Variants in WWC1 observed in about 807,000 individuals in gnomAD.
The protein encoded by WWC1 is protein KIBRA.
In WWC1, 55 loss-of-function variants were observed where a neutral mutation model predicts 138.4. The ratio of observed to expected loss-of-function variants is 0.40; its 90% confidence interval spans 0.32 to 0.50. The LOEUF is 0.50. WWC1 is among the 20% of genes least tolerant of loss of function. The pLI is 0.72. For missense variants in WWC1, 1,226 were observed against 1,420.4 expected (o/e 0.86, Z 2.20); for synonymous variants, 524 against 564.9 (o/e 0.93, Z 1.03).
chr5:168,414,250 T>C, intron 8 of WWC1, 98 bp from the exon 9 acceptor site: 1 of 1,487,924 alleles, frequency 6.7e-7, no homozygotes, highest in East Asian at 2.3e-5. Context: ...AGACAGTAAC[T>C]GTCAAAGATT....
At chr5:168,295,020 G>T (rs566934486) in intron 1 of WWC1, among the ~76,000 whole-genome samples, 123 of 152,254 alleles carry the variant, frequency 8.1e-4, no homozygotes, top group African/African-American at 2.8e-3. Context: ...GGTCCTGAGG[G>T]GGTCTCATGT....
intron 9 of WWC1, among the ~76,000 whole-genome samples, chr5:168,418,849 TG>T (rs143457341): frequency 0.11 from 16,750 of 152,162 alleles, 1,035 homozygotes; most frequent in African/African-American, 0.15. Context: ...TTCATTGTGT[TG>T]AAAGTCAAGG....
chr5:168,441,585 T>A, intron 15 of WWC1, 97 bp from the exon 16 acceptor site: 1 of 1,274,190 alleles, frequency 7.8e-7, no homozygotes, highest in Non-Finnish European at 1.1e-6. Flanking sequence ...TCATCTGGAG[T>A]GGTGTTTTTT....
chr5:168,354,072 A>G (rs1258874059), intron 1 of WWC1, among the ~76,000 whole-genome samples: 3 of 150,014 alleles, frequency 2.0e-5, no homozygotes, highest in Non-Finnish European at 4.4e-5. Context: ...TTTTTTTGAG[A>G]TGGAATCTTG....
chr5:168,393,297 T>A lies in WWC1; in HGVS notation c.434-4427T>A, dbSNP rs182390007. Among the ~76,000 whole-genome samples, 775 of 152,130 alleles carry A rather than the reference T, an allele frequency of 5.1e-3. 7 individuals carry two copies. The highest frequency in any genetic ancestry group is 0.018 in the African/African-American group (746 of 41,508). On this transcript the variant is annotated intron_variant, in intron 3 of 22. Transcript: ENST00000265293. ...GAGTGTCCAACACAGTGGATGAAAG[T>A]CAGCTCACACCAAGATATCTCACTG... is the stretch of plus-strand genomic sequence containing the variant.
At chr5:168,437,372 C>G (rs984187094) in intron 15 of WWC1, among the ~76,000 whole-genome samples, 1 of 152,152 alleles carries the variant, frequency 6.6e-6, no homozygotes, top group Non-Finnish European at 1.5e-5. Context: ...AATCAAGATG[C>G]ACTATGTACT....
intron 13 of WWC1, among the ~76,000 whole-genome samples, 163 bp from the exon 14 acceptor site, chr5:168,429,974 T>C (rs1013486417): frequency 6.6e-6 from 1 of 152,146 alleles, no homozygotes; most frequent in African/African-American, 2.4e-5. Context: ...CAGCTCTAGC[T>C]CTACATCCCT....
rs947740470 is a variant in WWC1 at position 168,362,142 on chromosome 5, T to G, written c.120-9282T>G. On this transcript the variant is annotated intron_variant, in intron 1 of 22. Coordinates refer to ENST00000265293, the MANE Select transcript of WWC1 (RefSeq NM_015238.3). Reference sequence around the variant, plus strand: ...TCACTCACATTTATCAAGCACTCACTGTGTACTCATGTGCTGTTTCATGCA... The same window carrying G: ...TCACTCACATTTATCAAGCACTCACGGTGTACTCATGTGCTGTTTCATGCA... Among the ~76,000 whole-genome samples the G allele has an allele frequency of 8.0e-5, 11 of 138,222 alleles. 1 individual carries two copies. The highest frequency in any genetic ancestry group is 2.7e-4 in the African/African-American group (11 of 41,152). The allele number at this position is 138,222 out of a possible 152,430, so 90.7% of individuals were successfully genotyped here. A position where few individuals can be genotyped will look rare whatever the true frequency, so the allele number is the denominator to read the frequency against.
chr5:168,340,132 A>G (rs543597022), intron 1 of WWC1, among the ~76,000 whole-genome samples: 144 of 148,108 alleles, frequency 9.7e-4, no homozygotes, highest in African/African-American at 3.5e-3. Context: ...CTGGAGTGCA[A>G]TGGTGGAATC....
intron 7 of WWC1, 108 bp from the exon 8 acceptor site, chr5:168,409,814 C>CT: frequency 8.6e-7 from 1 of 1,163,626 alleles, no homozygotes; most frequent in Non-Finnish European, 1.3e-6. Flanking sequence ...GGGGGCTATT[C>CT]TTGGCTACTG....
intron 1 of WWC1, among the ~76,000 whole-genome samples, chr5:168,318,732 G>C (rs1771815742): frequency 1.3e-5 from 2 of 151,898 alleles, no homozygotes; most frequent in African/African-American, 4.8e-5. Context: ...GCTAATTTTT[G>C]TATCTTTAGT....
chr5:168,421,536 T>C (rs567100269), intron 9 of WWC1, among the ~76,000 whole-genome samples: 1 of 152,334 alleles, frequency 6.6e-6, no homozygotes, highest in Admixed American at 6.5e-5. Flanking sequence ...AGTCCTACTG[T>C]GCTCACTCAC....
intron 8 of WWC1, chr5:168,412,191 T>C: frequency 3.0e-6 from 3 of 985,462 alleles, no homozygotes; most frequent in Non-Finnish European, 3.6e-6. Flanking sequence ...ATTAGACTTC[T>C]CATCACAGAG....
intron 11 of WWC1, among the ~76,000 whole-genome samples, chr5:168,426,735 G>A (rs892445321): frequency 2.6e-5 from 4 of 152,140 alleles, no homozygotes; most frequent in African/African-American, 7.2e-5. Context: ...GTCACCCATC[G>A]CCGTCCCCGG....
At chr5:168,321,396 A>G (rs905233470) in intron 1 of WWC1, among the ~76,000 whole-genome samples, 1 of 152,130 alleles carries the variant, frequency 6.6e-6, no homozygotes, top group African/African-American at 2.4e-5. Context: ...GGAGAGAAGA[A>G]CTTCTGCCTT....
At position 168,453,928 on chromosome 5, in the gene WWC1, C is replaced by T. The variant is rs78128414; in HGVS notation, c.2526-40C>T. 1.9e-3 allele frequency: 3,052 copies of T among 1,608,592 alleles called. 48 individuals are homozygous for T. The African/African-American group carries it at 0.035, about 18-fold the overall frequency. ...TAAAGGCAGGTGAACAGAGGCAGAGCGGCTTCTGGGTGGGTAACCAAAGTG... is the reference window on the plus strand; with the variant it reads ...TAAAGGCAGGTGAACAGAGGCAGAGTGGCTTCTGGGTGGGTAACCAAAGTG... On this transcript the variant is annotated intron_variant, in intron 17 of 22. Transcript: ENST00000265293.
At chr5:168,460,786 T>C (rs1756736520) in intron 20 of WWC1, 44 bp downstream of exon 20, 3 of 1,595,612 alleles carry the variant, frequency 1.9e-6, no homozygotes, top group South Asian at 2.2e-5. Context: ...TGCTCCTCCC[T>C]CGTTGCCCCA....
intron 1 of WWC1, among the ~76,000 whole-genome samples, chr5:168,359,033 G>GGT (rs58992917): frequency 0.024 from 3,511 of 148,226 alleles, 57 homozygotes; most frequent in South Asian, 0.055. Context: ...GTGGTGGTGG[G>GGT]GTGTGTGTGT....
chr5:168,365,556 G>A (rs751882793), intron 1 of WWC1, among the ~76,000 whole-genome samples: 2 of 152,150 alleles, frequency 1.3e-5, no homozygotes, highest in African/African-American at 2.4e-5. Context: ...TCAGAATGCC[G>A]AATGCCCACC....
Sources: allele counts gnomAD v4.1 joint callset (sites outside exome capture counted in the v4.1 genomes callset), GRCh38; gene constraint gnomAD v4.1.1; transcripts MANE v1.5; gene names NCBI Gene and HGNC (gene_info 2026-07-23, HGNC 2026-07-21).